PDCD6: variants seen among roughly 807,000 people sequenced by gnomAD.
PDCD6 encodes the protein programmed cell death 6, also known as programmed cell death protein 6.
PDCD6 carries 12 observed loss-of-function variants against 28.3 expected under a neutral mutation model. The observed-to-expected ratio is 0.42, with a 90% CI of 0.27 to 0.69. The LOEUF (loss-of-function observed/expected upper bound fraction) is 0.69, where lower values mean the gene tolerates loss of function less well. Ranked by LOEUF, PDCD6 falls within the 30% of genes least tolerant of loss-of-function variation. The probability of loss-of-function intolerance (pLI) is 0.22; values close to 1 mark genes in which losing one functional copy is unlikely to be tolerated. For missense variants in PDCD6, 226 were observed against 269.9 expected, an observed-to-expected ratio of 0.84 and a Z score of 1.14; for synonymous variants, 92 against 108.0, an observed-to-expected ratio of 0.85 and a Z score of 0.92.
chr5:284,722 A>G (rs1171446933), intron 2 of PDCD6, among the ~76,000 whole-genome samples: 2 of 149,180 alleles, frequency 1.3e-5, no homozygotes, highest in African/African-American at 5.0e-5. Flanking sequence ...CTGATGTTCC[A>G]GTTTCAGGGC....
At chr5:282,500 A>G (rs1171389080) in intron 2 of PDCD6, among the ~76,000 whole-genome samples, 1 of 151,652 alleles carries the variant, frequency 6.6e-6, no homozygotes, top group Non-Finnish European at 1.5e-5. Context: ...AGGATCATGC[A>G]GCTGAAGACT....
Position 314,689 on chromosome 5 carries a change from A to G in PDCD6, c.*174A>G, listed in dbSNP as rs1341826376. 1 of 692,492 alleles carries G rather than the reference A, an allele frequency of 1.4e-6. No individual in the cohort carries two copies. The highest frequency in any genetic ancestry group is 2.6e-6 in the Non-Finnish European group (1 of 378,222). 42.9% of individuals were successfully genotyped at this position (692,492 alleles called of 1,614,324 possible). ...AGCTGATTAATGGTTTTGCAACTGT[A>G]ATAGTAGCTGTATCGTTCTAATGCA... is the stretch of plus-strand genomic sequence containing the variant. On this transcript the variant is annotated 3_prime_UTR_variant, in exon 6 of 6. Coordinates refer to ENST00000264933, the MANE Select transcript of PDCD6 (RefSeq NM_013232.4).
intron 2 of PDCD6, among the ~76,000 whole-genome samples, chr5:288,292 T>TAATA (rs56208909): frequency 1.6e-4 from 17 of 107,112 alleles, no homozygotes; most frequent in African/African-American, 4.4e-4. Flanking sequence ...AATATATATA[T>TAATA]TATATATATA....
intron 2 of PDCD6, among the ~76,000 whole-genome samples, chr5:302,401 GTA>G (rs1561046959): frequency 1.8e-4 from 18 of 102,580 alleles, no homozygotes; most frequent in African/African-American, 1.1e-3. Context: ...TGCTCTGTGT[GTA>G]TGCCTCAGGT....
At chr5:311,567 G>A (rs1740918988) in intron 5 of PDCD6, 165 bp downstream of exon 5, 6 of 599,248 alleles carry the variant, frequency 1.0e-5, no homozygotes, top group African/African-American at 3.7e-5. Flanking sequence ...TTAGTGAAGT[G>A]TGGACAAACA....
Position 314,687 on chromosome 5 carries a change from G to C in PDCD6, c.*172G>C. The C allele has an allele frequency of 1.4e-6, 1 of 692,920 alleles. No individual in the cohort carries two copies. Among genetic ancestry groups the C allele is most frequent in the Non-Finnish European group, 2.6e-6 (1 of 378,560 alleles). 42.9% of individuals were successfully genotyped at this position (692,920 alleles called of 1,614,324 possible). On this transcript the variant is annotated 3_prime_UTR_variant, in exon 6 of 6. Transcript: ENST00000264933. ...TAAGCTGATTAATGGTTTTGCAACT[G>C]TAATAGTAGCTGTATCGTTCTAATG...
intron 2 of PDCD6, among the ~76,000 whole-genome samples, chr5:287,596 A>G (rs1236921804): frequency 1.3e-5 from 2 of 152,218 alleles, no homozygotes; most frequent in Non-Finnish European, 2.9e-5. Context: ...CACCACACAC[A>G]ATATACATCT....
At chr5:278,830 A>G (rs1428561657) in intron 2 of PDCD6, among the ~76,000 whole-genome samples, 104 of 72,048 alleles carry the variant, frequency 1.4e-3, no homozygotes, top group South Asian at 9.3e-3. Context: ...CTGGGGACAC[A>G]GGAGGGTGCT....
intron 2 of PDCD6, among the ~76,000 whole-genome samples, chr5:297,645 G>A (rs1033106406): frequency 6.6e-6 from 1 of 152,160 alleles, no homozygotes; most frequent in Non-Finnish European, 1.5e-5. Context: ...TGTGCCCGTG[G>A]TGAGAACACA....
At chr5:272,334 G>A (rs929352144) in intron 1 of PDCD6, among the ~76,000 whole-genome samples, 5 of 147,876 alleles carry the variant, frequency 3.4e-5, no homozygotes, top group South Asian at 2.1e-4. Flanking sequence ...TTATGGCGGC[G>A]CCTTCTGTCC....
chr5:287,325 G>A (rs527392240), intron 2 of PDCD6, among the ~76,000 whole-genome samples: 1 of 152,240 alleles, frequency 6.6e-6, no homozygotes, highest in East Asian at 1.9e-4. Context: ...TGTTAGGGAA[G>A]TAGAGAGAGA....
intron 2 of PDCD6, among the ~76,000 whole-genome samples, chr5:278,969 T>G (rs1738390543): frequency 6.6e-6 from 1 of 152,010 alleles, no homozygotes; most frequent in Non-Finnish European, 1.5e-5. Context: ...GGGCCACCTG[T>G]GGCTTGCGGT....
At chr5:283,390 G>GT (rs1561034194) in intron 2 of PDCD6, among the ~76,000 whole-genome samples, 1 of 145,958 alleles carries the variant, frequency 6.9e-6, no homozygotes, top group Non-Finnish European at 1.5e-5. Flanking sequence ...TAGTTTGAAT[G>GT]TCTTGCAGCT....
chr5:302,473 G>A (rs1740152558), intron 2 of PDCD6, among the ~76,000 whole-genome samples: 1 of 109,964 alleles, frequency 9.1e-6, no homozygotes, highest in African/African-American at 5.2e-5. Context: ...CTGGAGGGCG[G>A]GTCATGGAGT....
intron 2 of PDCD6, chr5:276,925 A>G (rs571793446): frequency 5.1e-6 from 5 of 985,096 alleles, no homozygotes; most frequent in Non-Finnish European, 6.0e-6. Flanking sequence ...TTTTTGCAAT[A>G]AAATGTTCCA....
At chr5:299,706 T>TCTC (rs1561044863) in intron 2 of PDCD6, among the ~76,000 whole-genome samples, 4 of 152,088 alleles carry the variant, frequency 2.6e-5, no homozygotes, top group African/African-American at 9.7e-5. Flanking sequence ...CACGCCGCCA[T>TCTC]GCCTGGCTAA....
At chr5:285,787 A>T (rs1738915919) in intron 2 of PDCD6, among the ~76,000 whole-genome samples, 1 of 150,064 alleles carries the variant, frequency 6.7e-6, no homozygotes, top group Non-Finnish European at 1.5e-5. Flanking sequence ...AGATGTGCAG[A>T]TGGAGACCCA....
intron 2 of PDCD6, among the ~76,000 whole-genome samples, chr5:302,082 G>GTC (rs56381017): frequency 0.042 from 4,536 of 107,602 alleles, 203 homozygotes; most frequent in Middle Eastern, 0.062. Context: ...GTGTGTGTGT[G>GTC]TGTGTGTGTG....
chr5:302,315 A>G (rs1231283181), intron 2 of PDCD6, among the ~76,000 whole-genome samples: 156 of 78,750 alleles, frequency 2.0e-3, no homozygotes, highest in African/African-American at 2.3e-3. Context: ...TGTGGGCCTC[A>G]GGTTCAGGTG....
Sources: allele counts gnomAD v4.1 joint callset (sites outside exome capture counted in the v4.1 genomes callset), GRCh38; gene constraint gnomAD v4.1.1; transcripts MANE v1.5; gene names NCBI Gene and HGNC (gene_info 2026-07-23, HGNC 2026-07-21).